Variants in ATP10B observed in about 807,000 individuals in gnomAD.
ATP10B encodes the protein phospholipid-transporting ATPase VB.
Under a neutral mutation model 141.2 loss-of-function variants are expected in ATP10B, and 122 were observed. The observed-to-expected ratio is 0.86, with a 90% CI of 0.75 to 1.00. ATP10B has a LOEUF of 1.00. Among genes scored for constraint, ATP10B ranks in the 50% least tolerant of loss-of-function variants. The pLI, the probability that ATP10B is intolerant of heterozygous loss-of-function variation, is 0.00. For missense variants in ATP10B, 1,876 were observed against 1,825.3 expected, an observed-to-expected ratio of 1.03 and a Z score of -0.51; for synonymous variants, 685 against 692.0, an observed-to-expected ratio of 0.99 and a Z score of 0.16.
At chr5:160,605,105 G>A (rs764490117) in intron 19 of ATP10B, among the ~76,000 whole-genome samples, 1 of 152,190 alleles carries the variant, frequency 6.6e-6, no homozygotes, top group Non-Finnish European at 1.5e-5. Context: ...GATTCAGCCT[G>A]CAGGCCATAG....
intron 7 of ATP10B, among the ~76,000 whole-genome samples, chr5:160,653,034 TTATATTTATGTATATAATTATGTA>T (rs1275134473): frequency 1.8e-5 from 2 of 111,050 alleles, no homozygotes; most frequent in Non-Finnish European, 3.4e-5. Context: ...ATTTATATAT[TTATATTTATGTATATAATTATGTA>T]TATATTTATG....
At chr5:160,752,965 T>TA (rs1768262592) in intron 2 of ATP10B, among the ~76,000 whole-genome samples, 1 of 152,216 alleles carries the variant, frequency 6.6e-6, no homozygotes. Context: ...CTTTCTGCTT[T>TA]AAGAATTACA....
intron 1 of ATP10B, among the ~76,000 whole-genome samples, chr5:160,794,599 C>T (rs1581544643): frequency 6.6e-6 from 1 of 152,158 alleles, no homozygotes; most frequent in African/African-American, 2.4e-5. Flanking sequence ...ATGGAGGAAG[C>T]CTTTTTGCAA....
At chr5:160,873,114 G>GTT in the ATP10B span, among the ~76,000 whole-genome samples, 2,492 of 145,494 alleles carry the variant, frequency 0.017, 33 homozygotes, top group African/African-American at 0.027. Context: ...TATTCCTAAG[G>GTT]TTTTTTTTGT....
chr5:160,786,539 G>A (rs915841735), intron 1 of ATP10B, among the ~76,000 whole-genome samples: 1 of 152,074 alleles, frequency 6.6e-6, no homozygotes, highest in African/African-American at 2.4e-5. Flanking sequence ...GAAAATTCAA[G>A]ACTCCTATTC....
At chr5:160,799,344 A>C (rs143404819) in intron 1 of ATP10B, among the ~76,000 whole-genome samples, 23 of 152,234 alleles carry the variant, frequency 1.5e-4, no homozygotes, top group Non-Finnish European at 2.2e-4. Flanking sequence ...GTTTCAAAAC[A>C]TGTCCCTTCT....
chr5:160,570,508 T>C (rs960466105), intron 24 of ATP10B, among the ~76,000 whole-genome samples: 3 of 152,220 alleles, frequency 2.0e-5, no homozygotes, highest in Admixed American at 2.0e-4. Flanking sequence ...GCAAACTTAC[T>C]GCAGTCTAAA....
At chr5:160,912,414 CAAAA>C in the ATP10B span, among the ~76,000 whole-genome samples, 2 of 88,894 alleles carry the variant, frequency 2.2e-5, no homozygotes, top group East Asian at 6.7e-4. Flanking sequence ...CTGTTTCTAC[CAAAA>C]AAAAAAAAAA....
At chr5:160,608,332 A>T (rs1382902636) in intron 18 of ATP10B, among the ~76,000 whole-genome samples, 1 of 152,126 alleles carries the variant, frequency 6.6e-6, no homozygotes, top group Non-Finnish European at 1.5e-5. Flanking sequence ...TCTATCATTG[A>T]TGGACATTTG....
Position 160,844,331 on chromosome 5 carries a change from T to C in ATP10B, c.-576+7610A>G, listed in dbSNP as rs540922272. On this transcript the variant is annotated intron_variant, in intron 1 of 25. Transcript: ENST00000327245. The stretch of plus-strand genomic sequence containing the variant: ...ATCAAGAGTAGAAAATGTACGTAAG[T>C]TGTGGTGTACTCACATGATAGAAAA... Among the ~76,000 whole-genome samples the C allele has an allele frequency of 2.1e-4, 32 of 152,268 alleles. No individual in the cohort carries two copies. In the East Asian group the frequency reaches 6.0e-3, roughly 28 times the overall value.
In ATP10B at chr5:160,571,170, T is replaced by C. The variant is rs575769717; in HGVS notation, c.3751-1487A>G. On this transcript the variant is annotated intron_variant, in intron 24 of 25. Transcript: ENST00000327245. ...TGCCTATATTTCATTCCCTCTCTCA[T>C]TTCTTTCTGAGACTCTGATTAAATG... 1.3e-5 allele frequency among the ~76,000 whole-genome samples: 2 copies of C among 152,256 alleles called. 1 individual carries two copies. Among genetic ancestry groups the C allele is most frequent in the Admixed American group, 1.3e-4 (2 of 15,286 alleles).
At chr5:160,658,372 G>T (rs763607082) in intron 7 of ATP10B, among the ~76,000 whole-genome samples, 1 of 152,198 alleles carries the variant, frequency 6.6e-6, no homozygotes, top group Non-Finnish European at 1.5e-5. Context: ...TAACACTAGG[G>T]ACTATAGGAG....
intron 19 of ATP10B, among the ~76,000 whole-genome samples, chr5:160,605,038 A>G (rs1249594939): frequency 6.6e-6 from 1 of 152,220 alleles, no homozygotes; most frequent in Non-Finnish European, 1.5e-5. Context: ...TATAAATTTT[A>G]CATTGAAAAA....
the ATP10B span, among the ~76,000 whole-genome samples, chr5:160,927,654 T>A: frequency 6.6e-6 from 1 of 152,192 alleles, no homozygotes; most frequent in East Asian, 1.9e-4. Flanking sequence ...ACTCATTGAC[T>A]CAGCAAGCAT....
At chr5:160,804,739 T>C (rs1427056986) in intron 1 of ATP10B, among the ~76,000 whole-genome samples, 1 of 152,238 alleles carries the variant, frequency 6.6e-6, no homozygotes, top group Non-Finnish European at 1.5e-5. Flanking sequence ...ACTTCACAAC[T>C]GTTGGACCTT....
chr5:160,585,106 C>T (rs1224166269), intron 24 of ATP10B, among the ~76,000 whole-genome samples: 1 of 152,134 alleles, frequency 6.6e-6, no homozygotes, highest in Non-Finnish European at 1.5e-5. Context: ...CTTTTTTCCT[C>T]CTGATATTCC....
intron 10 of ATP10B, among the ~76,000 whole-genome samples, chr5:160,637,955 A>G (rs575221706): frequency 6.6e-6 from 1 of 152,342 alleles, no homozygotes; most frequent in South Asian, 2.1e-4. Context: ...CTTTAAGGGA[A>G]TAAGACAAGT....
intron 7 of ATP10B, among the ~76,000 whole-genome samples, chr5:160,666,175 C>T (rs142014408): frequency 2.0e-4 from 30 of 152,250 alleles, no homozygotes; most frequent in African/African-American, 6.0e-4. Context: ...GATGGCGCCT[C>T]TCCTTGGTTG....
chr5:160,877,607 A>G, the ATP10B span, among the ~76,000 whole-genome samples: 1 of 150,820 alleles, frequency 6.6e-6, no homozygotes, highest in Admixed American at 6.6e-5. Context: ...CCCTGTTTGC[A>G]GATGACATGA....
Sources: allele counts gnomAD v4.1 joint callset (sites outside exome capture counted in the v4.1 genomes callset), GRCh38; gene constraint gnomAD v4.1.1; transcripts MANE v1.5; gene names NCBI Gene and HGNC (gene_info 2026-07-23, HGNC 2026-07-21).